The following TFAP2B variants were observed in gnomAD, a reference collection of about 807,000 sequenced individuals.
TFAP2B encodes transcription factor AP-2 beta, also known as transcription factor AP-2-beta.
Under a neutral mutation model 44.3 loss-of-function variants are expected in TFAP2B, and 9 were observed. The observed-to-expected ratio is 0.20, with a 90% CI of 0.12 to 0.35. The LOEUF is 0.35. Ranked by LOEUF, TFAP2B falls within the 10% of genes least tolerant of loss-of-function variation. The pLI is 1.00. For missense variants in TFAP2B, 509 were observed against 600.0 expected, an observed-to-expected ratio of 0.85 and a Z score of 1.59; for synonymous variants, 270 against 263.8, an observed-to-expected ratio of 1.02 and a Z score of -0.23.
At chr6:50,823,036 T>C (rs1770398064) in intron 1 of TFAP2B, among the ~76,000 whole-genome samples, 1 of 152,212 alleles carries the variant, frequency 6.6e-6, no homozygotes, top group South Asian at 2.1e-4. Context: ...GTAAGACTCC[T>C]ACAATTTTAA....
intron 2 of TFAP2B, among the ~76,000 whole-genome samples, chr6:50,824,641 C>G (rs1359836460): frequency 6.6e-6 from 1 of 152,206 alleles, no homozygotes; most frequent in Non-Finnish European, 1.5e-5. Flanking sequence ...TATTAACACT[C>G]TTCTCTCCCC....
At chr6:50,821,545 G>A (rs1716025399) in intron 1 of TFAP2B, among the ~76,000 whole-genome samples, 1 of 152,146 alleles carries the variant, frequency 6.6e-6, no homozygotes, top group African/African-American at 2.4e-5. Flanking sequence ...ATCCAAAGGA[G>A]CAGGGGCTGC....
In TFAP2B at chr6:50,818,985, C is replaced by A. The variant is rs2113920572; in HGVS notation, c.81+13C>A. On this transcript the variant is annotated intron_variant, in intron 1 of 6. Transcript: ENST00000393655. ...AGATATCTATGAGGTGAGTCGACAC[C>A]CCCAGATGCACCTTAGAGCTTTGCA... The A allele has an allele frequency of 6.2e-7, 1 of 1,611,466 alleles. No homozygotes were observed. The highest frequency in any genetic ancestry group is 1.1e-5 in the South Asian group (1 of 91,010).
At chr6:50,818,356 C>T (rs1410813194), upstream of TFAP2B, among the ~76,000 whole-genome samples, 1 of 151,860 alleles carries the variant, frequency 6.6e-6, no homozygotes, top group Non-Finnish European at 1.5e-5. Flanking sequence ...TTTCAAAATA[C>T]TCTCTTCCGG....
At chr6:50,836,829 G>C (rs1741066948) in intron 4 of TFAP2B, among the ~76,000 whole-genome samples, 1 of 152,150 alleles carries the variant, frequency 6.6e-6, no homozygotes, top group South Asian at 2.1e-4. Context: ...TTCTAAATTT[G>C]TGACATCCCT....
intron 1 of TFAP2B, among the ~76,000 whole-genome samples, chr6:50,819,205 T>C (rs1024310886): frequency 6.6e-6 from 1 of 152,024 alleles, no homozygotes; most frequent in Non-Finnish European, 1.5e-5. Context: ...ATTTATTTTA[T>C]TTTTCTTTCC....
rs183740612 is a variant in TFAP2B, at chr6:50,832,818, C to G, written c.602-3243C>G. On this transcript the variant is annotated intron_variant, in intron 3 of 6. Coordinates refer to ENST00000393655, the MANE Select transcript of TFAP2B (RefSeq NM_003221.4). The stretch of plus-strand genomic sequence containing the variant: ...ATTAACACTTTAGCTCTTCTATAGT[C>G]AACTAATGAATAGTATTTTCTCTAA... Among the ~76,000 whole-genome samples, 8 of 152,308 alleles carry G rather than the reference C, an allele frequency of 5.3e-5. 1 individual carries two copies. Among genetic ancestry groups the G allele is most frequent in the Admixed American group, 4.6e-4 (7 of 15,302 alleles).
chr6:50,831,028 T>C (rs1379011070), intron 3 of TFAP2B, among the ~76,000 whole-genome samples: 1 of 152,180 alleles, frequency 6.6e-6, no homozygotes, highest in South Asian at 2.1e-4. Context: ...GAGTCTGTGT[T>C]TATGAAGCTA....
At chr6:50,834,899 A>T (rs1363102757) in intron 3 of TFAP2B, among the ~76,000 whole-genome samples, 2 of 152,228 alleles carry the variant, frequency 1.3e-5, no homozygotes, top group African/African-American at 4.8e-5. Flanking sequence ...GAAAGTCAGG[A>T]GGTATAGCCA....
Position 50,840,075 on chromosome 6 carries a change from A to G in TFAP2B, c.941-81A>G. The stretch of plus-strand genomic sequence containing the variant: ...GCTGGCCTTCTCTGGAAATACTAAC[A>G]AAGCTGACAAGGGAATGTCTCCGCC... On this transcript the variant is annotated intron_variant, in intron 5 of 6. Coordinates refer to ENST00000393655, the MANE Select transcript of TFAP2B (RefSeq NM_003221.4). 4 of 1,583,348 alleles carry G rather than the reference A, an allele frequency of 2.5e-6. No individual in the cohort carries two copies. In the South Asian group the frequency reaches 3.3e-5, roughly 13 times the overall value.
At chr6:50,824,546 C>T (rs549320623) in intron 2 of TFAP2B, among the ~76,000 whole-genome samples, 118 of 152,258 alleles carry the variant, frequency 7.7e-4, no homozygotes, top group Middle Eastern at 3.4e-3. Flanking sequence ...ATGGTAGATA[C>T]CATTTTGGAA....
In TFAP2B at chr6:50,823,785, G is replaced by A. The variant is rs573701043; in HGVS notation, c.460G>A (p.Ala154Thr). The change falls in exon 2 of 7, where the codon GCG (alanine) becomes ACG (threonine). Residue 154 changes from alanine to threonine, a missense_variant. Coordinates refer to ENST00000393655, the MANE Select transcript of TFAP2B (RefSeq NM_003221.4). ...CCGGCCGGACGTGCTGCTGCATTCG[G>A]CGCACCACGGCCTGGACGCGGGCAT... ...VRRPDVLLHS[A>T]HHGLDAGMGD... 5 of 1,588,152 alleles carry A rather than the reference G, an allele frequency of 3.1e-6. 1 individual carries two copies. In the East Asian group the frequency reaches 9.2e-5, roughly 29 times the overall value.
At chr6:50,840,477 C>T (rs1051520480) in intron 6 of TFAP2B, among the ~76,000 whole-genome samples, 180 bp downstream of exon 6, 4 of 152,154 alleles carry the variant, frequency 2.6e-5, no homozygotes, top group African/African-American at 7.2e-5. Flanking sequence ...CTCAGGTGTC[C>T]TCTCTGGGGA....
At chr6:50,839,645 C>T (rs2817412) in intron 5 of TFAP2B, among the ~76,000 whole-genome samples, 13,644 of 152,180 alleles carry the variant, frequency 0.09, 663 homozygotes, top group Middle Eastern at 0.11. Flanking sequence ...TATTTCATTG[C>T]AGATAGAAAT....
rs1387815748 is a variant in TFAP2B, at chr6:50,846,816, TTTCC to T, written c.*3432_*3435del. On this transcript the variant is annotated 3_prime_UTR_variant, in exon 7 of 7. Coordinates refer to ENST00000393655, the MANE Select transcript of TFAP2B (RefSeq NM_003221.4). ...ACACCCCCAATTACCTTGCATTTTC[TTTCC>T]TTCCTTCTGGCCTCCACACCCATAG... 2 of 152,634 alleles carry T rather than the reference TTTCC, an allele frequency of 1.3e-5. No homozygotes were observed. The highest frequency in any genetic ancestry group is 4.8e-5 in the African/African-American group (2 of 41,434). The allele number at this position is 152,634 out of a possible 1,614,324, so 9.5% of individuals were successfully genotyped here. A position where few individuals can be genotyped will look rare whatever the true frequency, so the allele number is the denominator to read the frequency against.
intron 6 of TFAP2B, among the ~76,000 whole-genome samples, chr6:50,841,209 ACT>A (rs1326208700): frequency 1.3e-5 from 2 of 152,052 alleles, no homozygotes; most frequent in African/African-American, 4.8e-5. Flanking sequence ...AAAATGTTTG[ACT>A]CTAAGCATTT....
chr6:50,826,816 C>G (rs1276011460), intron 2 of TFAP2B, among the ~76,000 whole-genome samples: 1 of 152,188 alleles, frequency 6.6e-6, no homozygotes, highest in East Asian at 1.9e-4. Flanking sequence ...CAAACACATA[C>G]ACACACTCAA....
intron 2 of TFAP2B, among the ~76,000 whole-genome samples, chr6:50,826,237 C>T (rs547428619): frequency 6.6e-6 from 1 of 152,224 alleles, no homozygotes; most frequent in East Asian, 1.9e-4. Flanking sequence ...GTGCCTAGGC[C>T]TGGACCTTAA....
At chr6:50,821,817 G>T in intron 1 of TFAP2B, 1 of 256,206 alleles carries the variant, frequency 3.9e-6, no homozygotes, top group Admixed American at 4.8e-5. Context: ...CAAGCGGAGG[G>T]AGGAAGGGGC....
Sources: gnomAD v4.1 joint callset for allele counts (sites outside exome capture counted in the v4.1 genomes callset) on GRCh38, gnomAD v4.1.1 for gene constraint, MANE v1.5 for transcripts, NCBI Gene and HGNC (gene_info 2026-07-23, HGNC 2026-07-21) for gene names.